Variants in CEP170 observed in about 807,000 individuals in gnomAD.
CEP170 encodes centrosomal protein 170.
Under a neutral mutation model 151.9 loss-of-function variants are expected in CEP170, and 21 were observed. That is an observed-to-expected ratio of 0.14 (90% CI 0.10 to 0.20). The LOEUF (loss-of-function observed/expected upper bound fraction) is 0.20, where lower values mean the gene tolerates loss of function less well. CEP170 is among the 10% of genes least tolerant of loss of function. The pLI is 1.00. For missense variants in CEP170, 964 were observed against 1,892.9 expected, an observed-to-expected ratio of 0.51 and a Z score of 9.11; for synonymous variants, 356 against 648.8, an observed-to-expected ratio of 0.55 and a Z score of 6.86.
Position 243,186,229 on chromosome 1 carries a change from G to C in CEP170, c.1272+30C>G, listed in dbSNP as rs1427459494. On this transcript the variant is annotated intron_variant, in intron 9 of 19. Transcript: ENST00000366542. ...TTTTTCTGGGATTGTCTTCATCAAAGAATGCAATCATAAAAGCAGTTTGAC... is the reference window on the plus strand; with the variant it reads ...TTTTTCTGGGATTGTCTTCATCAAACAATGCAATCATAAAAGCAGTTTGAC... 5 of 1,613,622 alleles carry C rather than the reference G, an allele frequency of 3.1e-6. No individual in the cohort carries two copies. In the South Asian group the frequency reaches 5.5e-5, roughly 18 times the overall value.
chr1:243,134,847 G>A (rs1367677276), intron 17 of CEP170, among the ~76,000 whole-genome samples: 1 of 151,952 alleles, frequency 6.6e-6, no homozygotes, highest in African/African-American at 2.4e-5. Context: ...CAAATATGGA[G>A]GGGTCTGTCA....
chr1:243,149,481 G>A (rs2056859062), intron 14 of CEP170, among the ~76,000 whole-genome samples: 1 of 152,026 alleles, frequency 6.6e-6, no homozygotes, highest in South Asian at 2.1e-4. Context: ...GAACCTGTGG[G>A]CAGGTGGTTT....
chr1:243,166,660 C>A (rs2058466375), intron 12 of CEP170: 1 of 152,190 alleles, frequency 6.6e-6, no homozygotes, highest in Non-Finnish European at 1.5e-5. Context: ...CACAAATAAG[C>A]AATTCCTAGA....
intron 7 of CEP170, among the ~76,000 whole-genome samples, chr1:243,194,043 A>T (rs1457009021): frequency 6.6e-6 from 1 of 152,042 alleles, no homozygotes; most frequent in Admixed American, 6.6e-5. Context: ...GACAATGCCT[A>T]TCCTTGAATA....
chr1:243,237,576 T>C (rs546632377), intron 1 of CEP170, among the ~76,000 whole-genome samples: 1 of 152,156 alleles, frequency 6.6e-6, no homozygotes, highest in East Asian at 1.9e-4. Flanking sequence ...CAAAAGAAAA[T>C]AAAGTGCTTT....
At chr1:243,168,235 T>G (rs1385702694) in intron 12 of CEP170, 1 of 152,014 alleles carries the variant, frequency 6.6e-6, no homozygotes, top group Non-Finnish European at 1.5e-5. Context: ...TCTAGTACAC[T>G]GCTATGTAGC....
In CEP170 at chr1:243,125,804, C is replaced by A. The variant is rs2053647563; in HGVS notation, c.*645G>T. 4.0e-6 allele frequency: 1 copy of A among 249,792 alleles called. No individual in the cohort carries two copies. The highest frequency in any genetic ancestry group is 7.9e-6 in the Non-Finnish European group (1 of 126,066). 15.5% of individuals were successfully genotyped at this position (249,792 alleles called of 1,614,324 possible). On this transcript the variant is annotated 3_prime_UTR_variant, in exon 20 of 20. Transcript: ENST00000366542. ...TATATAGATATGTCCACCTACCACT[C>A]CCAGCAAATCTTAGTGCAAACATAA...
intron 14 of CEP170, among the ~76,000 whole-genome samples, chr1:243,155,694 A>G (rs1292991289): frequency 6.6e-6 from 1 of 152,146 alleles, no homozygotes; most frequent in Non-Finnish European, 1.5e-5. Context: ...AGGTTACTAT[A>G]AACAGATTTA....
chr1:243,219,486 G>A (rs2062601633), intron 3 of CEP170, among the ~76,000 whole-genome samples: 1 of 152,114 alleles, frequency 6.6e-6, no homozygotes, highest in Non-Finnish European at 1.5e-5. Context: ...CAATATTATT[G>A]AGTATAATCA....
intron 12 of CEP170, among the ~76,000 whole-genome samples, chr1:243,167,357 A>C (rs570350514): frequency 1.3e-5 from 2 of 152,080 alleles, no homozygotes; most frequent in East Asian, 3.9e-4. Context: ...GCAAAATTTT[A>C]TAAATTGAGG....
chr1:243,185,117 T>C lies in CEP170; in HGVS notation c.1566+662A>G, dbSNP rs187426379. On this transcript the variant is annotated intron_variant, in intron 10 of 19. Transcript: ENST00000366542. The surrounding 1 kb of genome is among the most constrained non-coding windows in gnomAD (Gnocchi z 4.9). ...CGACCATTGGCAAAACTGAGAAAAA[T>C]TGCTTTTTAAACCATGCAACAATCC... Among the ~76,000 whole-genome samples, 12 of 152,228 alleles carry C rather than the reference T, an allele frequency of 7.9e-5. No homozygotes were observed. Among genetic ancestry groups the C allele is most frequent in the South Asian group, 2.1e-4 (1 of 4,822 alleles).
chr1:243,191,878 A>G (rs1179277490), intron 7 of CEP170, among the ~76,000 whole-genome samples: 2 of 152,180 alleles, frequency 1.3e-5, no homozygotes, highest in Admixed American at 6.5e-5. Flanking sequence ...GTGACAGAAA[A>G]ACCATGAACT....
Position 243,157,309 on chromosome 1 carries a change from A to G in CEP170, c.3677-854T>C, listed in dbSNP as rs192968213. Among the ~76,000 whole-genome samples the G allele has an allele frequency of 9.1e-3, 1,383 of 152,330 alleles. 10 individuals carry two copies. Among genetic ancestry groups the G allele is most frequent in the Middle Eastern group, 0.024 (7 of 294 alleles). On this transcript the variant is annotated intron_variant, in intron 13 of 19. Transcript: ENST00000366542. The stretch of plus-strand genomic sequence containing the variant: ...ATTGCTCACACATTTAAAAAATCAG[A>G]AGACAAGGCAGACACTTTACTACTG...
chr1:243,246,226 C>CTTTTTTTTTTTT (rs774096892), intron 1 of CEP170, among the ~76,000 whole-genome samples: 2 of 109,470 alleles, frequency 1.8e-5, no homozygotes, highest in Non-Finnish European at 3.6e-5. Flanking sequence ...GTGTTGTTTA[C>CTTTTTTTTTTTT]TTTTTTTTTT....
chr1:243,145,419 C>T (rs955817981), intron 14 of CEP170, among the ~76,000 whole-genome samples: 6 of 152,294 alleles, frequency 3.9e-5, no homozygotes, highest in African/African-American at 7.2e-5. Flanking sequence ...GGATTACAGG[C>T]GTGCACCACC....
chr1:243,149,337 A>G (rs1399960892), intron 14 of CEP170, among the ~76,000 whole-genome samples: 4 of 152,232 alleles, frequency 2.6e-5, no homozygotes, highest in Non-Finnish European at 5.9e-5. Context: ...CTGACAGCAA[A>G]GTATTTACTC....
At chr1:243,174,887 C>T (rs922589151) in intron 10 of CEP170, 1 of 152,092 alleles carries the variant, frequency 6.6e-6, no homozygotes, top group Non-Finnish European at 1.5e-5. Flanking sequence ...TATTTGTGTC[C>T]GTCTTTAAAA....
At chr1:243,147,355 CTTTT>C (rs1195067075) in intron 14 of CEP170, among the ~76,000 whole-genome samples, 112 of 152,190 alleles carry the variant, frequency 7.4e-4, no homozygotes. Context: ...TATCTTCTTT[CTTTT>C]TTATTAGACA....
intron 17 of CEP170, among the ~76,000 whole-genome samples, chr1:243,132,503 T>G (rs1423301652): frequency 6.6e-6 from 1 of 152,216 alleles, no homozygotes; most frequent in East Asian, 1.9e-4. Context: ...TTATGCATAG[T>G]AAAACTCAAC....
Sources: gnomAD v4.1 joint callset for allele counts (sites outside exome capture counted in the v4.1 genomes callset) on GRCh38, gnomAD v4.1.1 for gene constraint, Gnocchi (gnomAD v3.1) non-coding constraint, MANE v1.5 for transcripts, NCBI Gene and HGNC (gene_info 2026-07-23, HGNC 2026-07-21) for gene names.